ABCA13: variants seen among roughly 807,000 people sequenced by gnomAD.
The protein encoded by ABCA13 is ATP binding cassette subfamily A member 13.
Under a neutral mutation model 478.7 loss-of-function variants are expected in ABCA13, and 476 were observed. That is an observed-to-expected ratio of 0.99 (90% CI 0.92 to 1.07). The LOEUF (loss-of-function observed/expected upper bound fraction) is 1.07, where lower values mean the gene tolerates loss of function less well. Among genes scored for constraint, ABCA13 ranks in the 50% least tolerant of loss-of-function variants. The pLI is 0.00. For missense variants in ABCA13, 6,060 were observed against 5,910.6 expected (o/e 1.03, Z -0.83); for synonymous variants, 2,252 against 2,158.9 (o/e 1.04, Z -1.20).
At chr7:48,597,178 C>T (rs930248017) in intron 58 of ABCA13, among the ~76,000 whole-genome samples, 18 of 152,136 alleles carry the variant, frequency 1.2e-4, no homozygotes, top group Non-Finnish European at 2.1e-4. Flanking sequence ...TCTCGATCTC[C>T]TGACCTTGTG....
At chr7:48,585,654 A>G (rs1789108709) in intron 56 of ABCA13, among the ~76,000 whole-genome samples, 1 of 152,208 alleles carries the variant, frequency 6.6e-6, no homozygotes, top group South Asian at 2.1e-4. Context: ...AAAAGAGTAT[A>G]CACATTAGTT....
At position 48,239,391 on chromosome 7, in the gene ABCA13, CG is replaced by C; in HGVS notation, c.1049del (p.Arg350GlnfsTer54). ...NYLVHAVSWL[R>X]VYQQVFVQWQ... ...TCTTGTCCATGCAGTCAGCTGGCTG[CG>C]AGTCTACCAACAGGTGCTGTCCCCT... is the stretch of plus-strand genomic sequence containing the variant. On this transcript the variant is annotated frameshift_variant, in exon 9 of 62. Transcript: ENST00000435803. LOFTEE classifies it high-confidence loss of function. 5 of 1,612,788 alleles carry C rather than the reference CG, an allele frequency of 3.1e-6. No homozygotes were observed. Among genetic ancestry groups the C allele is most frequent in the Non-Finnish European group, 4.2e-6 (5 of 1,179,210 alleles).
chr7:48,444,594 C>T (rs1824038313), intron 42 of ABCA13, among the ~76,000 whole-genome samples: 1 of 152,138 alleles, frequency 6.6e-6, no homozygotes, highest in Non-Finnish European at 1.5e-5. Context: ...AGAGTTCTAC[C>T]ATGCTCAGGC....
chr7:48,567,784 A>G (rs2131303131), intron 55 of ABCA13, among the ~76,000 whole-genome samples: 1 of 152,036 alleles, frequency 6.6e-6, no homozygotes, highest in South Asian at 2.1e-4. Flanking sequence ...GGTTAGTTTT[A>G]CTTGTTTGTG....
At chr7:48,401,202 A>AAGC (rs1413388662) in intron 38 of ABCA13, among the ~76,000 whole-genome samples, 2 of 152,240 alleles carry the variant, frequency 1.3e-5, no homozygotes, top group East Asian at 3.8e-4. Flanking sequence ...TATACACACA[A>AAGC]AGCACTTAGA....
Position 48,524,412 on chromosome 7 carries a change from A to T in ABCA13, c.14216A>T (p.Asp4739Val). The change falls in exon 54 of 62, where the codon GAT becomes GTT. Residue 4739 changes from aspartate to valine, a missense_variant. Transcript: ENST00000435803. The stretch of plus-strand genomic sequence containing the variant: ...TTCCAGAATATTATTGCTGTGCAAG[A>T]TATTAGTTTGGGCATACCAAAAGGA... ...RFFQNIIAVQ[D>V]ISLGIPKGEC... 1 of 1,611,380 alleles carries T rather than the reference A, an allele frequency of 6.2e-7. No homozygotes were observed. The highest frequency in any genetic ancestry group is 8.5e-7 in the Non-Finnish European group (1 of 1,178,898).
intron 1 of ABCA13, among the ~76,000 whole-genome samples, chr7:48,175,071 C>T (rs985131445): frequency 3.7e-4 from 56 of 152,194 alleles, no homozygotes; most frequent in African/African-American, 1.3e-3. Context: ...CAATGTCTCA[C>T]GGGTGACCCC....
chr7:48,306,880 A>T (rs80015539), intron 23 of ABCA13, among the ~76,000 whole-genome samples: 2,439 of 152,354 alleles, frequency 0.016, 64 homozygotes, highest in African/African-American at 0.056. Flanking sequence ...CAGTTAAATC[A>T]GTAGACTTTG....
intron 43 of ABCA13, among the ~76,000 whole-genome samples, chr7:48,463,817 GGAACT>G (rs1826555412): frequency 6.6e-6 from 1 of 151,568 alleles, no homozygotes; most frequent in African/African-American, 2.4e-5. Context: ...GGAAAGGAAT[GGAACT>G]GAACGGAACG....
intron 29 of ABCA13, among the ~76,000 whole-genome samples, chr7:48,340,797 A>C (rs1036177798): frequency 3.3e-5 from 5 of 152,158 alleles, no homozygotes; most frequent in Non-Finnish European, 7.3e-5. Context: ...TAAGATTATT[A>C]TAAAAGTTTT....
intron 5 of ABCA13, among the ~76,000 whole-genome samples, chr7:48,221,608 G>A (rs988434707): frequency 6.6e-6 from 1 of 152,314 alleles, no homozygotes; most frequent in Non-Finnish European, 1.5e-5. Flanking sequence ...CTGATCCCAG[G>A]GATGGTCTGA....
At chr7:48,339,510 A>G (rs530802711) in intron 29 of ABCA13, among the ~76,000 whole-genome samples, 66 of 152,310 alleles carry the variant, frequency 4.3e-4, no homozygotes, top group African/African-American at 1.5e-3. Context: ...CCATGGTGCT[A>G]GTGTTAATGC....
At chr7:48,514,088 T>C (rs1156653789) in intron 51 of ABCA13, among the ~76,000 whole-genome samples, 2 of 152,218 alleles carry the variant, frequency 1.3e-5, no homozygotes, top group Non-Finnish European at 2.9e-5. Flanking sequence ...TAGAGCCTAA[T>C]GTTGAGGTGG....
At chr7:48,562,569 C>T (rs963915447) in intron 55 of ABCA13, among the ~76,000 whole-genome samples, 1 of 151,736 alleles carries the variant, frequency 6.6e-6, no homozygotes, top group African/African-American at 2.4e-5. Flanking sequence ...TGACCAGGGC[C>T]AGTGAAAAAA....
chr7:48,626,097 T>C (rs1315535949), intron 59 of ABCA13, among the ~76,000 whole-genome samples: 2 of 152,176 alleles, frequency 1.3e-5, no homozygotes, highest in Non-Finnish European at 2.9e-5. Flanking sequence ...CTGCAAACAT[T>C]ACTGAATGTT....
At position 48,571,491 on chromosome 7, in the gene ABCA13, T is replaced by A. The variant is rs1055255786; in HGVS notation, c.14355-8733T>A. Among the ~76,000 whole-genome samples the A allele has an allele frequency of 6.6e-5, 10 of 152,222 alleles. No homozygotes were observed. In the East Asian group the frequency reaches 1.9e-3, roughly 29 times the overall value. On this transcript the variant is annotated intron_variant, in intron 55 of 61. Transcript: ENST00000435803. ...TGTAGAATTCTAGGCTAGCTTTTTT[T>A]TTTTCTTTTAACCTTTTGACACTTT...
intron 59 of ABCA13, 53 bp from the exon 60 acceptor site, chr7:48,643,235 T>C (rs1166712432): frequency 2.6e-6 from 3 of 1,161,894 alleles, no homozygotes; most frequent in African/African-American, 3.1e-5. Flanking sequence ...TAGAATTTAC[T>C]CATCTTAGGT....
Position 48,580,830 on chromosome 7 carries a change from C to T in ABCA13, c.14505+456C>T, listed in dbSNP as rs534547908. 7.9e-4 allele frequency among the ~76,000 whole-genome samples: 120 copies of T among 151,670 alleles called. 1 individual carries two copies. The South Asian group carries it at 0.018, about 23-fold the overall frequency. On this transcript the variant is annotated intron_variant, in intron 56 of 61. Coordinates refer to ENST00000435803, the MANE Select transcript of ABCA13 (RefSeq NM_152701.5). ...CTGATGAGTGGGCGGACAGATTCCT[C>T]CTGCCAGGGGATTCCTTCTGCCAGG...
At chr7:48,397,111 G>A (rs2129063572) in intron 38 of ABCA13, among the ~76,000 whole-genome samples, 1 of 152,274 alleles carries the variant, frequency 6.6e-6, no homozygotes, top group South Asian at 2.1e-4. Context: ...TGTGGGTTGA[G>A]CCCTGCTGGG....
Sources: allele counts gnomAD v4.1 joint callset (sites outside exome capture counted in the v4.1 genomes callset), GRCh38; gene constraint gnomAD v4.1.1; transcripts MANE v1.5; gene names NCBI Gene and HGNC (gene_info 2026-07-23, HGNC 2026-07-21).